The following HS6ST3 variants were observed in gnomAD, a reference collection of about 807,000 sequenced individuals.
The protein encoded by HS6ST3 is heparan sulfate 6-O-sulfotransferase 3.
HS6ST3 carries 12 observed loss-of-function variants against 36.7 expected under a neutral mutation model. The ratio of observed to expected loss-of-function variants is 0.33; its 90% CI spans 0.21 to 0.53. HS6ST3 has a LOEUF of 0.53. Among genes scored for constraint, HS6ST3 ranks in the 20% least tolerant of loss-of-function variants. The probability of loss-of-function intolerance (pLI) is 0.95; values close to 1 mark genes in which losing one functional copy is unlikely to be tolerated. For synonymous variants in HS6ST3, 240 were observed against 257.5 expected, an observed-to-expected ratio of 0.93 and a Z score of 0.65; for missense variants, 584 against 640.9, an observed-to-expected ratio of 0.91 and a Z score of 0.96.
chr13:96,341,710 C>T (rs1490769024), intron 1 of HS6ST3, among the ~76,000 whole-genome samples: 1 of 152,038 alleles, frequency 6.6e-6, no homozygotes, highest in Non-Finnish European at 1.5e-5. Context: ...TTAGGTTTCT[C>T]TTAGATGGAA....
intron 1 of HS6ST3, among the ~76,000 whole-genome samples, chr13:96,202,754 A>C (rs2054349272): frequency 6.6e-6 from 1 of 152,174 alleles, no homozygotes; most frequent in South Asian, 2.1e-4. Context: ...GCTGAGATTC[A>C]CTGGGGATTT....
intron 1 of HS6ST3, among the ~76,000 whole-genome samples, chr13:96,515,523 T>G (rs2056068820): frequency 6.6e-6 from 1 of 152,210 alleles, no homozygotes; most frequent in African/African-American, 2.4e-5. Context: ...CTTTGCACAC[T>G]CTTACTCATC....
chr13:96,406,135 A>G (rs1218949218), intron 1 of HS6ST3, among the ~76,000 whole-genome samples: 1 of 152,168 alleles, frequency 6.6e-6, no homozygotes, highest in Non-Finnish European at 1.5e-5. Flanking sequence ...TGTATTTTGG[A>G]TTAGTTCGGT....
intron 1 of HS6ST3, among the ~76,000 whole-genome samples, chr13:96,122,884 T>C (rs983904355): frequency 6.6e-6 from 1 of 152,180 alleles, no homozygotes; most frequent in Non-Finnish European, 1.5e-5. Context: ...ACAGCTTTAG[T>C]GTGCCAGTTA....
chr13:96,779,086 G>A (rs1479882624), intron 1 of HS6ST3, among the ~76,000 whole-genome samples: 1 of 151,998 alleles, frequency 6.6e-6, no homozygotes, highest in East Asian at 1.9e-4. Flanking sequence ...ACCAAACACT[G>A]CATGTTCTCA....
At position 96,632,992 on chromosome 13, in the gene HS6ST3, C is replaced by T. The variant is rs143296665; in HGVS notation, c.708-199498C>T. Among the ~76,000 whole-genome samples, 464 of 152,266 alleles carry T rather than the reference C, an allele frequency of 3.0e-3. 2 individuals are homozygous for T. Among genetic ancestry groups the T allele is most frequent in the African/African-American group, 0.011 (452 of 41,550 alleles). On this transcript the variant is annotated intron_variant, in intron 1 of 1. Coordinates refer to ENST00000376705, the MANE Select transcript of HS6ST3 (RefSeq NM_153456.4). ...TTTCTCCTCTCACTGTGCTGAAAGC[C>T]ACACTTGTAATCAGAACCTCTTCTA...
intron 1 of HS6ST3, among the ~76,000 whole-genome samples, chr13:96,370,950 C>G (rs2139440979): frequency 6.6e-6 from 1 of 152,132 alleles, no homozygotes; most frequent in South Asian, 2.1e-4. Flanking sequence ...TTACTCTATG[C>G]CTGTATTACT....
At chr13:96,339,483 G>T (rs555818181) in intron 1 of HS6ST3, among the ~76,000 whole-genome samples, 92 of 152,190 alleles carry the variant, frequency 6.0e-4, no homozygotes, top group Non-Finnish European at 9.7e-4. Flanking sequence ...TGCTTGAGGG[G>T]TGCTTCCTTG....
intron 1 of HS6ST3, among the ~76,000 whole-genome samples, chr13:96,319,193 T>C (rs546103935): frequency 6.6e-6 from 1 of 152,350 alleles, no homozygotes; most frequent in South Asian, 2.1e-4. Flanking sequence ...CTGGACATTT[T>C]CTATAAACAG....
chr13:96,336,506 G>A (rs1184136026), intron 1 of HS6ST3, among the ~76,000 whole-genome samples: 1 of 152,184 alleles, frequency 6.6e-6, no homozygotes, highest in East Asian at 1.9e-4. Context: ...AATCTAGTCT[G>A]ATTGGTGTCC....
At chr13:96,204,176 A>T (rs1449942416) in intron 1 of HS6ST3, among the ~76,000 whole-genome samples, 1 of 152,198 alleles carries the variant, frequency 6.6e-6, no homozygotes, top group Non-Finnish European at 1.5e-5. Context: ...TATATTGGCA[A>T]ATCATAGAAA....
chr13:96,312,951 CAAAAAAAAAAAAA>C (rs754098470), intron 1 of HS6ST3, among the ~76,000 whole-genome samples: 2 of 81,428 alleles, frequency 2.5e-5, no homozygotes, highest in African/African-American at 9.1e-5. Context: ...GACCCTGTCT[CAAAAAAAAAAAAA>C]AAAAAAAAAA....
intron 1 of HS6ST3, among the ~76,000 whole-genome samples, chr13:96,331,213 T>C (rs1437799281): frequency 6.6e-6 from 1 of 152,250 alleles, no homozygotes; most frequent in Non-Finnish European, 1.5e-5. Context: ...CTTTGTTCCG[T>C]TGCTGGTGAG....
intron 1 of HS6ST3, among the ~76,000 whole-genome samples, chr13:96,777,754 T>C (rs1877424035): frequency 6.6e-6 from 1 of 152,132 alleles, no homozygotes; most frequent in African/African-American, 2.4e-5. Context: ...CTGCCCAAGG[T>C]AGTTTATAGA....
chr13:96,588,267 T>C (rs1276175978), intron 1 of HS6ST3, among the ~76,000 whole-genome samples: 1 of 151,962 alleles, frequency 6.6e-6, no homozygotes. Context: ...TCCAATACTA[T>C]GTTGAATGGA....
chr13:96,703,940 G>A (rs35044738), intron 1 of HS6ST3, among the ~76,000 whole-genome samples: 16,598 of 152,024 alleles, frequency 0.11, 1,791 homozygotes, highest in African/African-American at 0.27. Context: ...CCCACAAGCT[G>A]CCATGTAAGA....
intron 1 of HS6ST3, among the ~76,000 whole-genome samples, chr13:96,666,159 T>C (rs1410623524): frequency 6.6e-6 from 1 of 152,058 alleles, no homozygotes. Context: ...GGAGGAGAAG[T>C]GCTGAGCAAA....
At chr13:96,362,915 A>G (rs1409632609) in intron 1 of HS6ST3, among the ~76,000 whole-genome samples, 2 of 152,224 alleles carry the variant, frequency 1.3e-5, no homozygotes, top group African/African-American at 4.8e-5. Context: ...CTGTGATTCC[A>G]TTTGATTCCA....
intron 1 of HS6ST3, among the ~76,000 whole-genome samples, chr13:96,726,521 T>C (rs920759440): frequency 1.3e-5 from 2 of 152,204 alleles, no homozygotes; most frequent in African/African-American, 4.8e-5. Context: ...TTGTTGCTAA[T>C]ATATGGTTAG....
Sources: allele counts gnomAD v4.1 joint callset (sites outside exome capture counted in the v4.1 genomes callset), GRCh38; gene constraint gnomAD v4.1.1; transcripts MANE v1.5; gene names NCBI Gene and HGNC (gene_info 2026-07-23, HGNC 2026-07-21).